Variants in RRAS2 observed in about 807,000 individuals in gnomAD.
RRAS2 encodes RAS related 2, also known as ras-related protein R-Ras2.
In RRAS2, 7 loss-of-function variants were observed where a neutral mutation model predicts 27.6. The ratio of observed to expected loss-of-function variants is 0.25; its 90% CI spans 0.14 to 0.48. The LOEUF is 0.48. RRAS2 is among the 20% of genes least tolerant of loss of function. The pLI, the probability that RRAS2 is intolerant of heterozygous loss-of-function variation, is 0.99. For missense variants in RRAS2, 178 were observed against 256.2 expected (o/e 0.69, Z 2.08); for synonymous variants, 86 against 90.9 (o/e 0.95, Z 0.31).
chr11:14,336,466 A>G (rs1241568789), intron 1 of RRAS2, among the ~76,000 whole-genome samples: 1 of 152,202 alleles, frequency 6.6e-6, no homozygotes, highest in Non-Finnish European at 1.5e-5. Context: ...AGTCTCCATA[A>G]AAATGTTTCA....
intron 3 of RRAS2, 43 bp from the exon 4 acceptor site, chr11:14,294,622 AG>A: frequency 6.6e-7 from 1 of 1,516,306 alleles, no homozygotes; most frequent in Non-Finnish European, 9.0e-7. Flanking sequence ...AATTTGGTCA[AG>A]TATCAGAATT....
chr11:14,362,537 T>C (rs1849204679), upstream of RRAS2, among the ~76,000 whole-genome samples: 1 of 151,936 alleles, frequency 6.6e-6, no homozygotes, highest in South Asian at 2.1e-4. Flanking sequence ...GAAGAACTAG[T>C]TGTCACTCAA....
chr11:14,340,458 AC>A (rs1322269154), intron 1 of RRAS2, among the ~76,000 whole-genome samples: 5 of 151,964 alleles, frequency 3.3e-5, no homozygotes, highest in Admixed American at 3.3e-4. Context: ...AGCCCTTTAC[AC>A]AAAAAAGTTT....
rs1214364640 is a variant in RRAS2 at position 14,358,613 on chromosome 11, G to T, written c.108+150C>A. ...GACGCTGCGGCCGCAGGGCAGGAGC[G>T]TAGTCGGCCCCGCGCCCTCCCGCCC... is the stretch of plus-strand genomic sequence containing the variant. On this transcript the variant is annotated intron_variant, in intron 1 of 5. Transcript: ENST00000256196. This position sits in a 1 kb window ranked among gnomAD's most constrained non-coding sequence, Gnocchi z 5.1. 5 of 980,182 alleles carry T rather than the reference G, an allele frequency of 5.1e-6. No individual in the cohort carries two copies. The African/African-American group carries it at 5.3e-5, about 10-fold the overall frequency. The allele number at this position is 980,182 out of a possible 1,614,324, so 60.7% of individuals were successfully genotyped here. A position where few individuals can be genotyped will look rare whatever the true frequency, so the allele number is the denominator to read the frequency against.
At chr11:14,347,087 A>G (rs1010986083) in intron 1 of RRAS2, among the ~76,000 whole-genome samples, 12 of 152,214 alleles carry the variant, frequency 7.9e-5, no homozygotes, top group Admixed American at 4.6e-4. Flanking sequence ...ACTAAAGCCT[A>G]GGAGTTTCAA....
chr11:14,324,744 G>C (rs1274618036), intron 1 of RRAS2, among the ~76,000 whole-genome samples: 2 of 152,194 alleles, frequency 1.3e-5, no homozygotes, highest in East Asian at 3.9e-4. Context: ...GAACACAGCA[G>C]GGAAACTTAT....
intron 4 of RRAS2, among the ~76,000 whole-genome samples, chr11:14,286,133 C>A (rs547093512): frequency 6.6e-6 from 1 of 152,238 alleles, no homozygotes; most frequent in South Asian, 2.1e-4. Flanking sequence ...CATAAAATAA[C>A]GGTCAAAATA....
intron 4 of RRAS2, among the ~76,000 whole-genome samples, chr11:14,284,192 C>A (rs1172153155): frequency 6.6e-5 from 10 of 152,078 alleles, no homozygotes; most frequent in East Asian, 1.9e-4. Context: ...TCTATATATA[C>A]TTCTTTAGTA....
chr11:14,309,905 T>A (rs1245915955), intron 1 of RRAS2, among the ~76,000 whole-genome samples: 1 of 152,206 alleles, frequency 6.6e-6, no homozygotes, highest in African/African-American at 2.4e-5. Flanking sequence ...GACTTTCATA[T>A]GAAAAGTAAT....
rs140783312 is a variant in RRAS2 at position 14,307,305 on chromosome 11, C to T, written c.109-11450G>A. 1.6e-3 allele frequency among the ~76,000 whole-genome samples: 241 copies of T among 151,306 alleles called. 3 individuals are homozygous for T. The highest frequency in any genetic ancestry group is 5.6e-3 in the African/African-American group (229 of 41,240). On this transcript the variant is annotated intron_variant, in intron 1 of 5. Coordinates refer to ENST00000256196, the MANE Select transcript of RRAS2 (RefSeq NM_012250.6). ...CAATACACTCATGACATGCCTTTGA[C>T]TATGAAGCATCTCAATTTCAGATAT... is the stretch of plus-strand genomic sequence containing the variant.
At chr11:14,299,183 T>C (rs1338123594) in intron 1 of RRAS2, among the ~76,000 whole-genome samples, 1 of 152,228 alleles carries the variant, frequency 6.6e-6, no homozygotes, top group Non-Finnish European at 1.5e-5. Context: ...TGCAGTTAAA[T>C]GGTCTGAATT....
Position 14,328,659 on chromosome 11 carries a change from C to T in RRAS2, c.108+30104G>A, listed in dbSNP as rs541033750. Among the ~76,000 whole-genome samples, 13 of 151,514 alleles carry T rather than the reference C, an allele frequency of 8.6e-5. No individual in the cohort carries two copies. The South Asian group carries it at 2.5e-3, about 29-fold the overall frequency. On this transcript the variant is annotated intron_variant, in intron 1 of 5. Transcript: ENST00000256196. ...CTAAAATTAATGCAGATGCAATACACATACACCAATTTTTTTTTTTTTCAA... is the reference window on the plus strand; with the variant it reads ...CTAAAATTAATGCAGATGCAATACATATACACCAATTTTTTTTTTTTTCAA...
At chr11:14,332,827 T>C (rs1848507660) in intron 1 of RRAS2, among the ~76,000 whole-genome samples, 1 of 151,334 alleles carries the variant, frequency 6.6e-6, no homozygotes, top group African/African-American at 2.4e-5. Flanking sequence ...CATGAACAAA[T>C]CATACAAGGA....
intron 2 of RRAS2, 57 bp downstream of exon 2, chr11:14,295,711 G>T: frequency 7.7e-7 from 1 of 1,300,148 alleles, no homozygotes. Flanking sequence ...AAACATCAGC[G>T]CTTACTTTTT....
intron 4 of RRAS2, among the ~76,000 whole-genome samples, chr11:14,293,334 CAACAT>C (rs2133959916): frequency 6.6e-6 from 1 of 151,000 alleles, no homozygotes; most frequent in South Asian, 2.1e-4. Context: ...TCTGTAAACA[CAACAT>C]AATATAAAAA....
At chr11:14,335,501 A>G (rs1848571277) in intron 1 of RRAS2, among the ~76,000 whole-genome samples, 1 of 152,230 alleles carries the variant, frequency 6.6e-6, no homozygotes, top group East Asian at 1.9e-4. Context: ...ATATCAATCT[A>G]TTTTTTGAGC....
At chr11:14,327,159 T>C (rs1365514238) in intron 1 of RRAS2, among the ~76,000 whole-genome samples, 2 of 152,092 alleles carry the variant, frequency 1.3e-5, no homozygotes, top group African/African-American at 4.8e-5. Flanking sequence ...GAAGCAGACA[T>C]AGCATAAACC....
At chr11:14,330,132 C>T (rs1312681828) in intron 1 of RRAS2, among the ~76,000 whole-genome samples, 2 of 152,068 alleles carry the variant, frequency 1.3e-5, no homozygotes, top group African/African-American at 2.4e-5. Context: ...GTAGTATTCA[C>T]GGTGTAATGT....
Position 14,284,494 on chromosome 11 carries a change from A to T in RRAS2, c.409-2774T>A, listed in dbSNP as rs141277737. On this transcript the variant is annotated intron_variant, in intron 4 of 5. Transcript: ENST00000256196. ...CTGTTGTTGGGTAAAGGGTACACTT[A>T]ATGTCAATTAGGATATGTTGTGTTC... Among the ~76,000 whole-genome samples, 424 of 152,268 alleles carry T rather than the reference A, an allele frequency of 2.8e-3. 1 individual carries two copies. Among genetic ancestry groups the T allele is most frequent in the African/African-American group, 9.8e-3 (408 of 41,564 alleles).
Sources: gnomAD v4.1 joint callset for allele counts (sites outside exome capture counted in the v4.1 genomes callset) on GRCh38, gnomAD v4.1.1 for gene constraint, Gnocchi (gnomAD v3.1) non-coding constraint, MANE v1.5 for transcripts, NCBI Gene and HGNC (gene_info 2026-07-23, HGNC 2026-07-21) for gene names.